Variants in TM2D1 observed in about 807,000 individuals in gnomAD.
TM2D1 encodes the protein TM2 domain containing 1.
In TM2D1, 15 loss-of-function variants were observed where a neutral mutation model predicts 28.4. The observed-to-expected ratio is 0.53, with a 90% CI of 0.35 to 0.81. TM2D1 has a LOEUF of 0.81. TM2D1 is among the 40% of genes least tolerant of loss of function. The pLI, the probability that TM2D1 is intolerant of heterozygous loss-of-function variation, is 0.01. For missense variants in TM2D1, 236 were observed against 254.9 expected (o/e 0.93, Z 0.50); for synonymous variants, 93 against 96.2 (o/e 0.97, Z 0.20).
Position 61,693,248 on chromosome 1 carries a change from T to C in TM2D1, c.513+1449A>G, listed in dbSNP as rs146978142. ...GTGAGACCCTGTCTCAAAAAAACTATTTATTGTAAAAAGTTCAGGTATAAA... is the reference window on the plus strand; with the variant it reads ...GTGAGACCCTGTCTCAAAAAAACTACTTATTGTAAAAAGTTCAGGTATAAA... On this transcript the variant is annotated intron_variant, in intron 5 of 6. Coordinates refer to ENST00000606498, the MANE Select transcript of TM2D1 (RefSeq NM_032027.3). 3.5e-3 allele frequency among the ~76,000 whole-genome samples: 527 copies of C among 152,184 alleles called. 3 individuals carry two copies. Among genetic ancestry groups the C allele is most frequent in the African/African-American group, 0.012 (495 of 41,504 alleles).
At chr1:61,723,299 T>C (rs1644581334) in intron 2 of TM2D1, among the ~76,000 whole-genome samples, 2 of 152,234 alleles carry the variant, frequency 1.3e-5, no homozygotes, top group Non-Finnish European at 1.5e-5. Context: ...GTAGGTATTA[T>C]GGCACTAGCC....
At chr1:61,713,959 A>C (rs373015729) in intron 2 of TM2D1, among the ~76,000 whole-genome samples, 1 of 140,384 alleles carries the variant, frequency 7.1e-6, no homozygotes, top group Non-Finnish European at 1.5e-5. Flanking sequence ...GCAGTGGCGC[A>C]ATCTCGGCTC....
chr1:61,724,156 A>G (rs1644588269), intron 1 of TM2D1: 1 of 154,406 alleles, frequency 6.5e-6, no homozygotes, highest in Non-Finnish European at 1.4e-5. Context: ...AAAGTGCAAC[A>G]GAAATTTATC....
At chr1:61,717,913 C>G (rs1450375852) in intron 2 of TM2D1, among the ~76,000 whole-genome samples, 1 of 152,110 alleles carries the variant, frequency 6.6e-6, no homozygotes, top group Non-Finnish European at 1.5e-5. Flanking sequence ...ACTTGGGTGG[C>G]TGAGGCAGGA....
chr1:61,721,715 A>G (rs1466687892), intron 2 of TM2D1, among the ~76,000 whole-genome samples: 1 of 152,006 alleles, frequency 6.6e-6, no homozygotes, highest in African/African-American at 2.4e-5. Context: ...CTCCTATGTT[A>G]GAACCAAAAA....
chr1:61,693,064 T>C (rs1243972432), intron 5 of TM2D1, among the ~76,000 whole-genome samples: 1 of 151,852 alleles, frequency 6.6e-6, no homozygotes, highest in Non-Finnish European at 1.5e-5. Context: ...TGGGGAAACC[T>C]TGTCTCTTCA....
At chr1:61,691,932 A>AAATATATATATATATATATATAT in intron 5 of TM2D1, among the ~76,000 whole-genome samples, 16 of 76,378 alleles carry the variant, frequency 2.1e-4, no homozygotes, top group Admixed American at 3.4e-4. Flanking sequence ...AAAAAAAAAA[A>AAATATATATATATATATATATAT]ATATATATAT....
chr1:61,714,518 G>A (rs1644502759), intron 2 of TM2D1, among the ~76,000 whole-genome samples: 1 of 152,122 alleles, frequency 6.6e-6, no homozygotes, highest in South Asian at 2.1e-4. Context: ...TCCAGCCTGG[G>A]TGACACAGCA....
At chr1:61,690,504 T>C (rs1308893810) in intron 5 of TM2D1, among the ~76,000 whole-genome samples, 1 of 96,278 alleles carries the variant, frequency 1.0e-5, no homozygotes, top group Non-Finnish European at 2.3e-5. Flanking sequence ...CAAAAAGAAA[T>C]AATACAGTCT....
intron 2 of TM2D1, among the ~76,000 whole-genome samples, chr1:61,719,445 T>C (rs1385485747): frequency 2.0e-5 from 3 of 151,144 alleles, no homozygotes; most frequent in African/African-American, 7.3e-5. Flanking sequence ...ATGTTAACAA[T>C]TGGTCAATCT....
intron 3 of TM2D1, among the ~76,000 whole-genome samples, chr1:61,703,721 TA>T (rs1405254088): frequency 0.048 from 64 of 1,328 alleles, no homozygotes; most frequent in Non-Finnish European, 0.13. Flanking sequence ...CCAATCTTTA[TA>T]TATATATATA....
At position 61,725,039 on chromosome 1, in the gene TM2D1, C is replaced by T; in HGVS notation, c.82G>A (p.Val28Ile). Residue 28 changes from valine to isoleucine, a missense_variant, in exon 1 of 7, where the codon GTC becomes ATC. Around this residue, in one of 3 missense-constraint regions of TM2D1, gnomAD observed 167 missense variants for 162.7 expected, o/e 1.03. Transcript: ENST00000606498. ...RLVGVLWFVS[V>I]TTGPWGAVAT... is the part of the protein sequence containing the mutation. ...ACAGCCCCCCAGGGTCCTGTAGTGA[C>T]TGAGACGAACCACAGGACACCAACG... 6.2e-7 allele frequency: 1 copy of T among 1,614,036 alleles called. No individual in the cohort carries two copies. Among genetic ancestry groups the T allele is most frequent in the Non-Finnish European group, 8.5e-7 (1 of 1,179,902 alleles).
At position 61,686,857 on chromosome 1, in the gene TM2D1, A is replaced by T. The variant is rs1004034977; in HGVS notation, c.514-3311T>A. On this transcript the variant is annotated intron_variant, in intron 5 of 6. Coordinates refer to ENST00000606498, the MANE Select transcript of TM2D1 (RefSeq NM_032027.3). ...AAGATTGTTTGAACCCAGGAATTCG[A>T]GGCTGCAATGAGTTATGATCACGCC... 7 of 949,084 alleles carry T rather than the reference A, an allele frequency of 7.4e-6. No homozygotes were observed. In the Admixed American group the frequency reaches 4.3e-4, roughly 58 times the overall value. 58.8% of individuals were successfully genotyped at this position (949,084 alleles called of 1,614,324 possible).
intron 5 of TM2D1, among the ~76,000 whole-genome samples, chr1:61,687,181 T>C (rs374670430): frequency 5.2e-4 from 79 of 152,160 alleles, no homozygotes; most frequent in Non-Finnish European, 5.0e-4. Context: ...TCTCTATTTG[T>C]AAAAACAAAA....
At chr1:61,721,796 A>G (rs1644566616) in intron 2 of TM2D1, among the ~76,000 whole-genome samples, 2 of 151,940 alleles carry the variant, frequency 1.3e-5, no homozygotes, top group East Asian at 3.9e-4. Flanking sequence ...TAGTTAGTCC[A>G]TGAGCTTTTG....
intron 2 of TM2D1, among the ~76,000 whole-genome samples, chr1:61,710,645 T>C (rs1026002236): frequency 1.3e-5 from 2 of 151,746 alleles, no homozygotes; most frequent in South Asian, 2.1e-4. Flanking sequence ...AAAGTACTAA[T>C]ACTTTTAGAT....
chr1:61,714,186 C>T (rs1462768523), intron 2 of TM2D1, among the ~76,000 whole-genome samples: 3 of 149,562 alleles, frequency 2.0e-5, no homozygotes, highest in African/African-American at 7.3e-5. Context: ...TGAGCCACCG[C>T]GCCCGGCCAA....
chr1:61,690,360 G>A (rs77812286), intron 5 of TM2D1, among the ~76,000 whole-genome samples: 7,121 of 148,910 alleles, frequency 0.048, 554 homozygotes, highest in African/African-American at 0.16. Flanking sequence ...AGGAGGCTGA[G>A]GGATGAGAAT....
At chr1:61,691,616 TA>T (rs1283986768) in intron 5 of TM2D1, among the ~76,000 whole-genome samples, 2 of 151,168 alleles carry the variant, frequency 1.3e-5, no homozygotes, top group East Asian at 3.9e-4. Flanking sequence ...CTTCATGACA[TA>T]TATAAAAATA....
Sources: gnomAD v4.1 joint callset for allele counts (sites outside exome capture counted in the v4.1 genomes callset) on GRCh38, gnomAD v4.1.1 for gene constraint, gnomAD v4.1.1 regional missense constraint, MANE v1.5 for transcripts, NCBI Gene and HGNC (gene_info 2026-07-23, HGNC 2026-07-21) for gene names.